Variants in ACTL8 observed in about 807,000 individuals in gnomAD.
The protein encoded by ACTL8 is actin like 8.
Under a neutral mutation model 9.3 loss-of-function variants are expected in ACTL8, and 3 were observed. The observed-to-expected ratio is 0.32, with a 90% CI of 0.15 to 0.83. The LOEUF is 0.83. Ranked by LOEUF, ACTL8 falls within the 40% of genes least tolerant of loss-of-function variation. ACTL8 has a pLI of 0.57. For missense variants in ACTL8, 381 were observed against 492.2 expected, an observed-to-expected ratio of 0.77 and a Z score of 2.14; for synonymous variants, 224 against 205.9, an observed-to-expected ratio of 1.09 and a Z score of -0.75.
At chr1:17,763,783 C>T (rs528923737) in intron 1 of ACTL8, among the ~76,000 whole-genome samples, 2 of 152,244 alleles carry the variant, frequency 1.3e-5, no homozygotes, top group East Asian at 3.9e-4. Context: ...AAAGGATGAG[C>T]GGTTGGGAGC....
At chr1:17,820,501 G>GT (rs1476206033) in intron 1 of ACTL8, among the ~76,000 whole-genome samples, 2 of 151,858 alleles carry the variant, frequency 1.3e-5, no homozygotes, top group Admixed American at 1.3e-4. Flanking sequence ...GTGAACGTAC[G>GT]TTTTCATTTC....
At position 17,825,970 on chromosome 1, in the gene ACTL8, C is replaced by G; in HGVS notation, c.552C>G (p.Leu184=). 6 of 1,610,042 alleles carry G rather than the reference C, an allele frequency of 3.7e-6. No individual in the cohort carries two copies. The highest frequency in any genetic ancestry group is 5.1e-6 in the Non-Finnish European group (6 of 1,180,008). ...EFAGQDLSAY[L]LKSLFKEDCD... ...CCGGCCAGGATCTCTCCGCCTATCT[C>G]CTCAAGAGTCTCTTTAAGGAAGATT... The change falls in exon 3 of 3, where the codon CTC becomes CTG. Residue 184 remains leucine (L), a synonymous_variant. Transcript: ENST00000375406.
Position 17,823,437 on chromosome 1 carries a change from T to C in ACTL8, c.348+81T>C. 7.3e-7 allele frequency: 1 copy of C among 1,372,532 alleles called. No individual in the cohort carries two copies. The highest frequency in any genetic ancestry group is 9.8e-7 in the Non-Finnish European group (1 of 1,017,538). 85.0% of individuals were successfully genotyped at this position (1,372,532 alleles called of 1,614,324 possible). On this transcript the variant is annotated intron_variant, in intron 2 of 2. Coordinates refer to ENST00000375406, the MANE Select transcript of ACTL8 (RefSeq NM_030812.3). The surrounding 1 kb of genome is among the most constrained non-coding windows in gnomAD (Gnocchi z 5.3). The stretch of plus-strand genomic sequence containing the variant: ...GTCTGGACTGATTGGGCACCAGGAA[T>C]TCTGCTTTTTAAGATAAATTGCCAA...
At chr1:17,775,265 C>T (rs2066111024) in intron 1 of ACTL8, among the ~76,000 whole-genome samples, 1 of 152,164 alleles carries the variant, frequency 6.6e-6, no homozygotes, top group South Asian at 2.1e-4. Context: ...AGGGGTCCAG[C>T]TGGGCAGGGT....
intron 1 of ACTL8, among the ~76,000 whole-genome samples, chr1:17,774,797 C>A (rs570257415): frequency 6.6e-6 from 1 of 152,154 alleles, no homozygotes; most frequent in South Asian, 2.1e-4. Flanking sequence ...CACCTGACCC[C>A]TGGAGCCGCT....
chr1:17,756,327 C>G (rs1478633688), intron 1 of ACTL8, among the ~76,000 whole-genome samples: 2 of 151,824 alleles, frequency 1.3e-5, no homozygotes, highest in Non-Finnish European at 1.5e-5. Flanking sequence ...CTTGGGGACT[C>G]TACCTTGGCC....
chr1:17,756,438 A>G (rs184337925), intron 1 of ACTL8, among the ~76,000 whole-genome samples: 26 of 150,764 alleles, frequency 1.7e-4, no homozygotes, highest in Middle Eastern at 3.5e-3. Context: ...GTCTTCAGAG[A>G]CTCCATCTCA....
In ACTL8 at chr1:17,826,176, G is replaced by T. The variant is rs751796228; in HGVS notation, c.758G>T (p.Arg253Leu). The T allele has an allele frequency of 1.2e-6, 2 of 1,613,156 alleles. No homozygotes were observed. The highest frequency in any genetic ancestry group is 1.7e-5 in the Admixed American group (1 of 60,020). Residue 253 changes from arginine to leucine, a missense_variant, in exon 3 of 3, where the codon CGG (arginine) becomes CTG (leucine). By Grantham distance (102) the Arg-to-Leu change is moderately radical (BLOSUM62 -2). Around this residue, in one of 3 missense-constraint regions of ACTL8, gnomAD observed 243 missense variants for 276.2 expected, o/e 0.88. Transcript: ENST00000375406. The surrounding 1 kb of genome is among the most constrained non-coding windows in gnomAD (Gnocchi z 4.5). ...CGCGTGGAGCTGACCCCCATGCAGC[G>T]GGTGGCTCCTGAGATGTTCTTTAGC... ...GSRVELTPMQ[R>L]VAPEMFFSPQ...
At chr1:17,793,092 A>AC (rs1397127282) in intron 1 of ACTL8, among the ~76,000 whole-genome samples, 2 of 152,186 alleles carry the variant, frequency 1.3e-5, no homozygotes, top group East Asian at 3.9e-4. Flanking sequence ...ACTTTCTTGC[A>AC]CTGTCGAGGG....
At chr1:17,819,768 C>G (rs2053634742) in intron 1 of ACTL8, among the ~76,000 whole-genome samples, 1 of 152,140 alleles carries the variant, frequency 6.6e-6, no homozygotes, top group Admixed American at 6.5e-5. Flanking sequence ...TGGTGGCTTA[C>G]AACTGTAATC....
intron 1 of ACTL8, among the ~76,000 whole-genome samples, chr1:17,756,768 A>G (rs1042047697): frequency 1.3e-5 from 2 of 152,146 alleles, no homozygotes; most frequent in Admixed American, 1.3e-4. Context: ...CTAGTTACCC[A>G]AGGCATGTGG....
chr1:17,814,038 AGCTTTTG>A (rs1253445642), intron 1 of ACTL8, among the ~76,000 whole-genome samples: 1 of 152,100 alleles, frequency 6.6e-6, no homozygotes, highest in African/African-American at 2.4e-5. Context: ...ACTAGCTTTT[AGCTTTTG>A]GCTTTATTGA....
chr1:17,755,805 C>A lies in ACTL8; in HGVS notation c.-25+301C>A, dbSNP rs1355522884. Among the ~76,000 whole-genome samples, 25 of 152,192 alleles carry A rather than the reference C, an allele frequency of 1.6e-4. 1 individual carries two copies. Among genetic ancestry groups the A allele is most frequent in the African/African-American group, 5.8e-4 (24 of 41,528 alleles). ...CCCTTCCTTGGGGGCCCAAGCTTAG[C>A]CCCTTGTGGGGGCACCGCCTGGAGG... On this transcript the variant is annotated intron_variant, in intron 1 of 2. Transcript: ENST00000375406.
At chr1:17,770,288 CAGAG>C (rs1037350328) in intron 1 of ACTL8, among the ~76,000 whole-genome samples, 1 of 152,186 alleles carries the variant, frequency 6.6e-6, no homozygotes, top group Non-Finnish European at 1.5e-5. Context: ...CTCGTAGATT[CAGAG>C]AGAAGGAAGC....
chr1:17,774,473 G>A (rs1160928550), intron 1 of ACTL8, among the ~76,000 whole-genome samples: 1 of 152,112 alleles, frequency 6.6e-6, no homozygotes, highest in Non-Finnish European at 1.5e-5. Context: ...GGGGTGTTTA[G>A]GGAGCCTTGA....
chr1:17,800,246 TA>T (rs2066310868), intron 1 of ACTL8, among the ~76,000 whole-genome samples: 1 of 152,244 alleles, frequency 6.6e-6, no homozygotes, highest in Non-Finnish European at 1.5e-5. Flanking sequence ...CTTTTCTCCA[TA>T]CAAGTCTTGA....
chr1:17,769,029 G>A (rs1161348519), intron 1 of ACTL8, among the ~76,000 whole-genome samples: 2 of 152,162 alleles, frequency 1.3e-5, no homozygotes, highest in East Asian at 3.9e-4. Context: ...TGAAGAGACG[G>A]GGGGTCAGAG....
At chr1:17,824,256 T>C (rs1174859006) in intron 2 of ACTL8, among the ~76,000 whole-genome samples, 1 of 152,190 alleles carries the variant, frequency 6.6e-6, no homozygotes, top group Non-Finnish European at 1.5e-5. Flanking sequence ...CCACCACCTA[T>C]TTTGTAAATA....
chr1:17,779,465 A>G (rs1387146986), intron 1 of ACTL8, among the ~76,000 whole-genome samples: 3 of 152,234 alleles, frequency 2.0e-5, no homozygotes, highest in South Asian at 2.1e-4. Context: ...ATCCCTCATC[A>G]TCAGATCTGC....
Sources: allele counts gnomAD v4.1 joint callset (sites outside exome capture counted in the v4.1 genomes callset), GRCh38; gene constraint gnomAD v4.1.1; regional missense constraint gnomAD v4.1.1; non-coding constraint Gnocchi (gnomAD v3.1); transcripts MANE v1.5; gene names NCBI Gene and HGNC (gene_info 2026-07-23, HGNC 2026-07-21).